SCFD2: variants seen among roughly 807,000 people sequenced by gnomAD.
SCFD2 encodes the protein sec1 family domain-containing protein 2.
In SCFD2, 54 loss-of-function variants were observed where a neutral mutation model predicts 58.9. The observed-to-expected ratio is 0.92, with a 90% CI of 0.74 to 1.15. The LOEUF (loss-of-function observed/expected upper bound fraction) is 1.15, where lower values mean the gene tolerates loss of function less well. SCFD2 is among the 50% of genes most tolerant of loss of function. The pLI, the probability that SCFD2 is intolerant of heterozygous loss-of-function variation, is 0.00. For missense variants in SCFD2, 805 were observed against 836.6 expected, an observed-to-expected ratio of 0.96 and a Z score of 0.47; for synonymous variants, 321 against 335.9, an observed-to-expected ratio of 0.96 and a Z score of 0.49.
At chr4:52,918,350 A>T (rs930673563) in intron 6 of SCFD2, among the ~76,000 whole-genome samples, 2 of 152,230 alleles carry the variant, frequency 1.3e-5, no homozygotes, top group African/African-American at 4.8e-5. Flanking sequence ...TGTACTTAAG[A>T]TGTACCTAAC....
At chr4:53,236,317 A>C (rs1273499513) in intron 4 of SCFD2, among the ~76,000 whole-genome samples, 1 of 152,002 alleles carries the variant, frequency 6.6e-6, no homozygotes, top group Admixed American at 6.6e-5. Flanking sequence ...TCCTCCACTT[A>C]CAAGGTCTCC....
At chr4:53,270,811 A>G (rs1731138289) in intron 4 of SCFD2, among the ~76,000 whole-genome samples, 1 of 152,212 alleles carries the variant, frequency 6.6e-6, no homozygotes, top group South Asian at 2.1e-4. Flanking sequence ...GAACATATGG[A>G]TTTAAAAACA....
At chr4:53,196,626 C>G (rs1362909995) in intron 4 of SCFD2, among the ~76,000 whole-genome samples, 2 of 152,046 alleles carry the variant, frequency 1.3e-5, no homozygotes, top group African/African-American at 4.8e-5. Context: ...TGGATTACTG[C>G]TGACTTTAAC....
intron 5 of SCFD2, among the ~76,000 whole-genome samples, chr4:52,929,261 G>T (rs1222343654): frequency 6.6e-6 from 1 of 152,146 alleles, no homozygotes; most frequent in Non-Finnish European, 1.5e-5. Flanking sequence ...AGGATAGGGT[G>T]GTGGATTCAT....
intron 5 of SCFD2, among the ~76,000 whole-genome samples, chr4:52,969,211 A>G (rs1377831974): frequency 1.3e-5 from 2 of 152,090 alleles, no homozygotes; most frequent in Non-Finnish European, 2.9e-5. Flanking sequence ...ATGTGTTTGG[A>G]GTTGAGCTCA....
At chr4:53,228,517 T>C (rs569481993) in intron 4 of SCFD2, among the ~76,000 whole-genome samples, 1 of 152,288 alleles carries the variant, frequency 6.6e-6, no homozygotes, top group South Asian at 2.1e-4. Flanking sequence ...AACGTTAAGA[T>C]ATTTTCTATA....
chr4:53,237,589 G>A (rs1577878192), intron 4 of SCFD2, among the ~76,000 whole-genome samples: 6 of 110,300 alleles, frequency 5.4e-5, no homozygotes, highest in Non-Finnish European at 9.7e-5. Flanking sequence ...CAGTAGGGGC[G>A]GCCGGGCAGA....
intron 5 of SCFD2, among the ~76,000 whole-genome samples, chr4:53,084,553 G>C (rs1329532100): frequency 6.6e-6 from 1 of 152,156 alleles, no homozygotes; most frequent in Non-Finnish European, 1.5e-5. Context: ...AGAGATTAAA[G>C]ACAGGCATAA....
intron 4 of SCFD2, among the ~76,000 whole-genome samples, chr4:53,271,435 CTTTATTTATTTA>C (rs10524620): frequency 2.2e-4 from 30 of 139,504 alleles, no homozygotes; most frequent in South Asian, 4.7e-4. Context: ...ACATACATCA[CTTTATTTATTTA>C]TTTATTTATT....
chr4:53,112,157 C>G (rs1336288945), intron 5 of SCFD2, among the ~76,000 whole-genome samples: 2 of 152,096 alleles, frequency 1.3e-5, no homozygotes, highest in African/African-American at 4.8e-5. Flanking sequence ...TATTGAATCA[C>G]TCTGCTACAT....
intron 4 of SCFD2, among the ~76,000 whole-genome samples, chr4:53,218,805 T>C (rs757610782): frequency 1.3e-5 from 2 of 152,228 alleles, no homozygotes; most frequent in Admixed American, 6.5e-5. Context: ...GATGGTGACA[T>C]ACAGATGGGG....
At chr4:53,142,556 T>TA (rs1726201528) in intron 5 of SCFD2, among the ~76,000 whole-genome samples, 1 of 152,238 alleles carries the variant, frequency 6.6e-6, no homozygotes, top group African/African-American at 2.4e-5. Context: ...CAGGCTAACC[T>TA]AGTTCCAGCA....
At chr4:53,069,375 A>T (rs934761192) in intron 5 of SCFD2, among the ~76,000 whole-genome samples, 1 of 152,062 alleles carries the variant, frequency 6.6e-6, no homozygotes, top group African/African-American at 2.4e-5. Flanking sequence ...CTACATTTTC[A>T]TATCTGATTG....
At chr4:53,064,300 G>A (rs765679178) in intron 5 of SCFD2, among the ~76,000 whole-genome samples, 10 of 151,948 alleles carry the variant, frequency 6.6e-5, no homozygotes, top group South Asian at 2.1e-4. Flanking sequence ...AGTCCCCAGC[G>A]TCTATTCTTC....
At chr4:52,904,127 A>G (rs1221709830) in intron 7 of SCFD2, among the ~76,000 whole-genome samples, 2 of 152,202 alleles carry the variant, frequency 1.3e-5, no homozygotes, top group African/African-American at 4.8e-5. Context: ...ATCCCCGCAC[A>G]GTCTATAGAC....
At chr4:53,306,248 A>G (rs893882407) in intron 3 of SCFD2, among the ~76,000 whole-genome samples, 9 of 152,194 alleles carry the variant, frequency 5.9e-5, no homozygotes, top group Admixed American at 5.2e-4. Context: ...CATTGGTGGC[A>G]GTCATTAAGT....
intron 5 of SCFD2, among the ~76,000 whole-genome samples, chr4:52,943,221 TAAACAAAACA>T (rs142354116): frequency 0.067 from 10,078 of 150,736 alleles, 1,102 homozygotes; most frequent in African/African-American, 0.22. Context: ...ACTCATGCCT[TAAACAAAACA>T]AAACAAAACA....
chr4:53,251,381 T>A (rs553819811), intron 4 of SCFD2, among the ~76,000 whole-genome samples: 1 of 152,188 alleles, frequency 6.6e-6, no homozygotes, highest in African/African-American at 2.4e-5. Context: ...TAACTCATTT[T>A]ATGAGGCCAG....
intron 5 of SCFD2, among the ~76,000 whole-genome samples, chr4:53,104,982 G>T (rs1210176021): frequency 1.3e-5 from 2 of 152,124 alleles, no homozygotes; most frequent in African/African-American, 4.8e-5. Context: ...TCCAAGTGAG[G>T]TACCTGCCTC....
Sources: allele counts gnomAD v4.1 joint callset (sites outside exome capture counted in the v4.1 genomes callset), GRCh38; gene constraint gnomAD v4.1.1; transcripts MANE v1.5; gene names NCBI Gene and HGNC (gene_info 2026-07-23, HGNC 2026-07-21).